The following NUBP1 variants were observed in gnomAD, a reference collection of about 807,000 sequenced individuals.
NUBP1 encodes the protein cytosolic Fe-S cluster assembly factor NUBP1.
In NUBP1, 46 loss-of-function variants were observed where a neutral mutation model predicts 41.8. The ratio of observed to expected loss-of-function variants is 1.10; its 90% CI spans 0.87 to 1.41. NUBP1 has a LOEUF of 1.41. Among genes scored for constraint, NUBP1 ranks in the 40% most tolerant of loss-of-function variants. The pLI, the probability that NUBP1 is intolerant of heterozygous loss-of-function variation, is 0.00. For synonymous variants in NUBP1, 189 were observed against 154.6 expected, an observed-to-expected ratio of 1.22 and a Z score of -1.65; for missense variants, 494 against 414.0, an observed-to-expected ratio of 1.19 and a Z score of -1.68.
At position 10,768,463 on chromosome 16, in the gene NUBP1, C is replaced by G; in HGVS notation, c.904+431C>G. 1 of 160,104 alleles carries G rather than the reference C, an allele frequency of 6.2e-6. No individual in the cohort carries two copies. Among genetic ancestry groups the G allele is most frequent in the Non-Finnish European group, 1.4e-5 (1 of 73,254 alleles). The allele number at this position is 160,104 out of a possible 1,614,324, so 9.9% of individuals were successfully genotyped here. A position where few individuals can be genotyped will look rare whatever the true frequency, so the allele number is the denominator to read the frequency against. Reference sequence around the variant, plus strand: ...CTCTACTAAAAATATGAAAATTAGCCGGGTGTGGTGGCGCATGCCTGTAGT... The same window carrying G: ...CTCTACTAAAAATATGAAAATTAGCGGGGTGTGGTGGCGCATGCCTGTAGT... On this transcript the variant is annotated intron_variant, in intron 10 of 10. Coordinates refer to ENST00000283027, the MANE Select transcript of NUBP1 (RefSeq NM_002484.4). The surrounding 1 kb of genome is among the most constrained non-coding windows in gnomAD (Gnocchi z 4.3).
rs769774616 is a variant in NUBP1, at chr16:10,767,970, A to G, written c.842A>G (p.Gln281Arg). ...PLIGKNCDKGQSFFIDAPDSP... is the reference protein window; with the variant it reads ...PLIGKNCDKGRSFFIDAPDSP... Reference sequence around the variant, plus strand: ...TAAGGTAAGAATTGTGACAAAGGCCAGTCTTTTTTCATTGACGCCCCAGAT... The same window carrying G: ...TAAGGTAAGAATTGTGACAAAGGCCGGTCTTTTTTCATTGACGCCCCAGAT... Residue 281 changes from glutamine (Q) to arginine (R), a missense_variant, in exon 10 of 11, where the codon CAG (glutamine) becomes CGG (arginine). Coordinates refer to ENST00000283027, the MANE Select transcript of NUBP1 (RefSeq NM_002484.4). The surrounding 1 kb of genome is among the most constrained non-coding windows in gnomAD (Gnocchi z 4.6). 1 of 1,614,170 alleles carries G rather than the reference A, an allele frequency of 6.2e-7. No homozygotes were observed. The highest frequency in any genetic ancestry group is 1.3e-5 in the African/African-American group (1 of 75,056).
chr16:10,743,904 G>A, intron 1 of NUBP1, 22 bp downstream of exon 1: 1 of 1,573,338 alleles, frequency 6.4e-7, no homozygotes, highest in Non-Finnish European at 8.6e-7. Context: ...GAGGGGGCGT[G>A]GGTCGCGGGG....
chr16:10,761,727 T>G (rs1174754932), intron 8 of NUBP1, 30 bp from the exon 9 acceptor site: 1 of 1,562,718 alleles, frequency 6.4e-7, no homozygotes, highest in African/African-American at 1.4e-5. Flanking sequence ...AAAAAAATTA[T>G]GTTTCCTCCC....
At chr16:10,747,906 C>T (rs1049023754) in intron 3 of NUBP1, among the ~76,000 whole-genome samples, 4 of 152,212 alleles carry the variant, frequency 2.6e-5, no homozygotes, top group South Asian at 2.1e-4. Flanking sequence ...CAGCCCATCT[C>T]CTGCCTTATG....
chr16:10,751,244 T>G (rs1900299847), intron 3 of NUBP1, among the ~76,000 whole-genome samples: 1 of 152,204 alleles, frequency 6.6e-6, no homozygotes, highest in African/African-American at 2.4e-5. Context: ...ACAGAGTCAC[T>G]AGAAACCTGA....
At chr16:10,758,425 A>G (rs1009536144) in intron 7 of NUBP1, among the ~76,000 whole-genome samples, 3 of 152,218 alleles carry the variant, frequency 2.0e-5, no homozygotes, top group Non-Finnish European at 4.4e-5. Flanking sequence ...GTGAGCCATG[A>G]TCACGCCAGT....
intron 9 of NUBP1, among the ~76,000 whole-genome samples, chr16:10,762,612 C>G (rs955745666): frequency 6.6e-6 from 1 of 152,158 alleles, no homozygotes; most frequent in African/African-American, 2.4e-5. Flanking sequence ...GTCCAGCACT[C>G]GCCTTTAGGT....
intron 9 of NUBP1, among the ~76,000 whole-genome samples, chr16:10,764,378 T>C (rs1282910737): frequency 1.3e-5 from 2 of 151,922 alleles, no homozygotes; most frequent in African/African-American, 2.4e-5. Context: ...TATGCCAGTC[T>C]GTTGGAGCAT....
Position 10,766,676 on chromosome 16 carries a change from A to G in NUBP1, c.821-1273A>G, listed in dbSNP as rs369173441. ...AAAAAATTGGACAAAACGCACAAAGAAAGGAAGGAAGGAAGGGATTTATTG... is the reference window on the plus strand; with the variant it reads ...AAAAAATTGGACAAAACGCACAAAGGAAGGAAGGAAGGAAGGGATTTATTG... On this transcript the variant is annotated intron_variant, in intron 9 of 10. Transcript: ENST00000283027. The surrounding 1 kb of genome is among the most constrained non-coding windows in gnomAD (Gnocchi z 4.8). 14 of 329,480 alleles carry G rather than the reference A, an allele frequency of 4.2e-5. No homozygotes were observed. The highest frequency in any genetic ancestry group is 1.5e-4 in the African/African-American group (7 of 46,846). The allele number at this position is 329,480 out of a possible 1,614,324, so 20.4% of individuals were successfully genotyped here. A position where few individuals can be genotyped will look rare whatever the true frequency, so the allele number is the denominator to read the frequency against.
Position 10,743,895 on chromosome 16 carries a change from A to AG in NUBP1, c.19+18dup. On this transcript the variant is annotated intron_variant, in intron 1 of 10. Transcript: ENST00000283027. Reference sequence around the variant, plus strand: ...GAGGTGCCTCACGGTAAGCTCGCGGAGGGGGCGTGGGTCGCGGGGCGAAAG... The same window carrying AG: ...GAGGTGCCTCACGGTAAGCTCGCGGAGGGGGGCGTGGGTCGCGGGGCGAAAG... 1 of 1,570,864 alleles carries AG rather than the reference A, an allele frequency of 6.4e-7. No individual in the cohort carries two copies.
At chr16:10,745,659 A>C (rs1356615670) in intron 2 of NUBP1, among the ~76,000 whole-genome samples, 2 of 152,232 alleles carry the variant, frequency 1.3e-5, no homozygotes, top group South Asian at 2.1e-4. Context: ...GGGAAAAAGC[A>C]TGCAGGAAAA....
chr16:10,754,740 G>C (rs925984092), intron 4 of NUBP1, among the ~76,000 whole-genome samples: 6 of 152,030 alleles, frequency 3.9e-5, no homozygotes, highest in Non-Finnish European at 8.8e-5. Context: ...TTAAGAGTCA[G>C]GCAAATGTTC....
At chr16:10,752,995 A>G (rs564626892) in intron 4 of NUBP1, among the ~76,000 whole-genome samples, 6 of 152,072 alleles carry the variant, frequency 3.9e-5, no homozygotes, top group Non-Finnish European at 8.8e-5. Flanking sequence ...AGGTTTCACT[A>G]CGTTGGCCAA....
Position 10,766,933 on chromosome 16 carries a change from C to A in NUBP1, c.821-1016C>A. The A allele has an allele frequency of 2.5e-6, 1 of 398,668 alleles. No individual in the cohort carries two copies. The highest frequency in any genetic ancestry group is 1.3e-4 in the South Asian group (1 of 7,852). The allele number at this position is 398,668 out of a possible 1,614,324, so 24.7% of individuals were successfully genotyped here. The stretch of plus-strand genomic sequence containing the variant: ...GCCTTATGTTCCCTGCCTCTGGACC[C>A]TATTTTCCTGACTCACTGGGCCATA... On this transcript the variant is annotated intron_variant, in intron 9 of 10. Transcript: ENST00000283027. This position sits in a 1 kb window ranked among gnomAD's most constrained non-coding sequence, Gnocchi z 4.8.
At chr16:10,762,840 G>A (rs1448685463) in intron 9 of NUBP1, among the ~76,000 whole-genome samples, 2 of 152,096 alleles carry the variant, frequency 1.3e-5, no homozygotes, top group African/African-American at 2.4e-5. Flanking sequence ...GGCCCGTGGA[G>A]AGCCTGGAGG....
rs961815015 is a variant in NUBP1, at chr16:10,767,511, T to C, written c.821-438T>C. 6 of 435,992 alleles carry C rather than the reference T, an allele frequency of 1.4e-5. No individual in the cohort carries two copies. The highest frequency in any genetic ancestry group is 1.2e-4 in the African/African-American group (6 of 49,456). 27.0% of individuals were successfully genotyped at this position (435,992 alleles called of 1,614,324 possible). A position where few individuals can be genotyped will look rare whatever the true frequency, so the allele number is the denominator to read the frequency against. Reference sequence around the variant, plus strand: ...GCACACATGCAAGTGTGCACATTTATATGCGCATAATCTTTCTGGAAAGAC... The same window carrying C: ...GCACACATGCAAGTGTGCACATTTACATGCGCATAATCTTTCTGGAAAGAC... On this transcript the variant is annotated intron_variant, in intron 9 of 10. Transcript: ENST00000283027. This position sits in a 1 kb window ranked among gnomAD's most constrained non-coding sequence, Gnocchi z 4.6.
At chr16:10,747,353 G>T in intron 3 of NUBP1, 77 bp downstream of exon 3, 2 of 1,569,272 alleles carry the variant, frequency 1.3e-6, no homozygotes, top group Non-Finnish European at 1.7e-6. Flanking sequence ...TGATTCCTAG[G>T]CCAGGCGCAG....
chr16:10,765,855 G>T lies in NUBP1; in HGVS notation c.821-2094G>T, dbSNP rs1596477391. On this transcript the variant is annotated intron_variant, in intron 9 of 10. Coordinates refer to ENST00000283027, the MANE Select transcript of NUBP1 (RefSeq NM_002484.4). The surrounding 1 kb of genome is among the most constrained non-coding windows in gnomAD (Gnocchi z 4.0). ...AGTGCCTTCTAGTGGGCATGGTCCT[G>T]TGTGTCAAATGGCACATTGCAGAAG... 6.6e-6 allele frequency among the ~76,000 whole-genome samples: 1 copy of T among 152,240 alleles called. No individual in the cohort carries two copies. The highest frequency in any genetic ancestry group is 2.4e-5 in the African/African-American group (1 of 41,462).
intron 9 of NUBP1, chr16:10,763,603 C>CT (rs758856603): frequency 1.3e-5 from 2 of 152,378 alleles, no homozygotes; most frequent in African/African-American, 2.4e-5. Flanking sequence ...GAGCTGCCCT[C>CT]TGAGGCCCCT....
Sources: gnomAD v4.1 joint callset for allele counts (sites outside exome capture counted in the v4.1 genomes callset) on GRCh38, gnomAD v4.1.1 for gene constraint, Gnocchi (gnomAD v3.1) non-coding constraint, MANE v1.5 for transcripts, NCBI Gene and HGNC (gene_info 2026-07-23, HGNC 2026-07-21) for gene names.